Variants in STARD7 observed in about 807,000 individuals in gnomAD.
The protein encoded by STARD7 is stAR-related lipid transfer protein 7, mitochondrial.
STARD7 carries 30 observed loss-of-function variants against 45.3 expected under a neutral mutation model. The observed-to-expected ratio is 0.66, with a 90% CI of 0.50 to 0.90. The LOEUF (loss-of-function observed/expected upper bound fraction) is 0.90, where lower values mean the gene tolerates loss of function less well. Among genes scored for constraint, STARD7 ranks in the 40% least tolerant of loss-of-function variants. The pLI is 0.00. For missense variants in STARD7, 495 were observed against 491.3 expected (o/e 1.01, Z -0.07); for synonymous variants, 199 against 183.0 (o/e 1.09, Z -0.70).
intron 5 of STARD7, 144 bp from the exon 6 acceptor site, chr2:96,192,612 A>G: frequency 1.5e-6 from 1 of 660,878 alleles, no homozygotes; most frequent in Non-Finnish European, 2.7e-6. Flanking sequence ...ATGAATAAAT[A>G]CAAACTAAGT....
intron 1 of STARD7, among the ~76,000 whole-genome samples, chr2:96,207,456 A>G (rs559365725): frequency 6.6e-6 from 1 of 152,366 alleles, no homozygotes; most frequent in South Asian, 2.1e-4. Context: ...CCTGGAAACT[A>G]CAGTCTCAGA....
In STARD7 at chr2:96,192,448, A is replaced by T; in HGVS notation, c.764T>A (p.Val255Glu). 6.2e-7 allele frequency: 1 copy of T among 1,613,792 alleles called. No individual in the cohort carries two copies. Among genetic ancestry groups the T allele is most frequent in the Non-Finnish European group, 8.5e-7 (1 of 1,179,692 alleles). ...CCTGACGAATTCTGGAGACTCTGGC[A>T]CACTCGGATGCTCCACAGCACTGGT... Reference protein sequence around the residue: ...LVSRAVEHPSVPESPEFVRVR... With the variant: ...LVSRAVEHPSEPESPEFVRVR... Residue 255 changes from valine to glutamate, a missense_variant, in exon 6 of 8, where the codon GTG (valine) becomes GAG (glutamate). By Grantham distance (121) the Val-to-Glu change is moderately radical. Around this residue, in one of 2 missense-constraint regions of STARD7, gnomAD observed 213 missense variants for 271.2 expected, o/e 0.79. Transcript: ENST00000337288.
intron 7 of STARD7, 61 bp from the exon 8 acceptor site, chr2:96,186,975 G>A (rs1471290597): frequency 6.8e-6 from 10 of 1,471,888 alleles, no homozygotes; most frequent in Non-Finnish European, 9.3e-6. Context: ...CTCAAAATGA[G>A]AAGACCCTAT....
At chr2:96,199,318 T>A (rs1683271316) in intron 1 of STARD7, among the ~76,000 whole-genome samples, 1 of 152,250 alleles carries the variant, frequency 6.6e-6, no homozygotes, top group Non-Finnish European at 1.5e-5. Flanking sequence ...GAACACGGGA[T>A]GTCTTTCACT....
intron 6 of STARD7, 144 bp from the exon 7 acceptor site, chr2:96,187,445 T>C: frequency 1.7e-6 from 1 of 600,520 alleles, no homozygotes; most frequent in East Asian, 2.9e-5. Context: ...GAGTTAACAC[T>C]GAAGGCCTGA....
intron 2 of STARD7, 130 bp from the exon 3 acceptor site, chr2:96,195,137 T>C (rs1416962855): frequency 2.2e-6 from 2 of 889,216 alleles, no homozygotes; most frequent in Non-Finnish European, 3.5e-6. Context: ...CTAGAAGTCT[T>C]AGTAGAGCAA....
rs772887524 is a variant in STARD7, at chr2:96,194,964, A to G, written c.543T>C (p.Asn181=). The part of the protein sequence containing the change: ...YTDVTPRQFF[N]VQLDTEYRKK... ...GAGAGAAAAATTAACTCACCTGAAC[A>G]TTGAAGAACTGCCGAGGTGTCACAT... The change falls in exon 3 of 8, where the codon AAT becomes AAC. Residue 181 remains asparagine, a synonymous_variant. Transcript: ENST00000337288. The G allele has an allele frequency of 5.1e-5, 82 of 1,609,914 alleles. No homozygotes were observed. The South Asian group carries it at 8.7e-4, about 17-fold the overall frequency.
At chr2:96,201,598 T>A (rs1253832534) in intron 1 of STARD7, among the ~76,000 whole-genome samples, 13 of 134,892 alleles carry the variant, frequency 9.6e-5, no homozygotes, top group South Asian at 2.3e-4. Context: ...AAAAAAAAAA[T>A]TGGCCAGGTG....
Position 96,195,430 on chromosome 2 carries a change from T to C in STARD7, c.410A>G (p.Lys137Arg). Residue 137 changes from lysine to arginine, a missense_variant, in exon 2 of 8, where the codon AAA becomes AGA. Physicochemically the swap from Lys to Arg is conservative, Grantham distance 26. This residue lies in a region of STARD7 where 282 missense variants were observed against 220.1 expected (regional missense o/e 1.28). Coordinates refer to ENST00000337288, the MANE Select transcript of STARD7 (RefSeq NM_020151.4). ...QTEGNEDSEG[K>R]EQRWEMVMDK... ...CATCACCATTTCCCAACGTTGCTCT[T>C]TGCCCTCTGAATCTTCATTCCCTTC... The C allele has an allele frequency of 1.2e-6, 2 of 1,612,904 alleles. No homozygotes were observed. Among genetic ancestry groups the C allele is most frequent in the South Asian group, 1.1e-5 (1 of 90,720 alleles).
chr2:96,204,268 A>G (rs373676414), intron 1 of STARD7, among the ~76,000 whole-genome samples: 1 of 145,482 alleles, frequency 6.9e-6, no homozygotes, highest in African/African-American at 2.6e-5. Context: ...TTAAGAAAAA[A>G]AAGAGTCTGG....
chr2:96,201,409 T>TTAAAAAAAAA (rs767370060), intron 1 of STARD7, among the ~76,000 whole-genome samples: 1 of 109,622 alleles, frequency 9.1e-6, no homozygotes, highest in Admixed American at 1.0e-4. Context: ...ACTCCACCTC[T>TTAAAAAAAAA]AAAAAAAAAA....
chr2:96,208,076 C>G, intron 1 of STARD7, 69 bp downstream of exon 1: 4 of 1,417,480 alleles, frequency 2.8e-6, no homozygotes, highest in Non-Finnish European at 3.8e-6. Flanking sequence ...CCAACGACCA[C>G]AGGGCAGGCC....
Position 96,185,049 on chromosome 2 carries a change from GCA to G in STARD7, c.*1679_*1680del, listed in dbSNP as rs143776494. 3.8e-4 allele frequency: 58 copies of G among 151,536 alleles called. No homozygotes were observed. Among genetic ancestry groups the G allele is most frequent in the Middle Eastern group, 3.4e-3 (1 of 290 alleles). 9.4% of individuals were successfully genotyped at this position (151,536 alleles called of 1,614,324 possible). A position where few individuals can be genotyped will look rare whatever the true frequency, so the allele number is the denominator to read the frequency against. On this transcript the variant is annotated 3_prime_UTR_variant, in exon 8 of 8. Transcript: ENST00000337288. ...TGTGCATGTGTGTGCGCTCGCAGACGCACACACACACACACATATTCTCTCTC... is the reference window on the plus strand; with the variant it reads ...TGTGCATGTGTGTGCGCTCGCAGACGCACACACACACACATATTCTCTCTC...
chr2:96,205,549 G>A (rs1683375389), intron 1 of STARD7, among the ~76,000 whole-genome samples: 1 of 152,168 alleles, frequency 6.6e-6, no homozygotes, highest in African/African-American at 2.4e-5. Flanking sequence ...AAATGCACTT[G>A]AGACACACTC....
At chr2:96,205,987 T>C (rs1180760713) in intron 1 of STARD7, among the ~76,000 whole-genome samples, 2 of 152,200 alleles carry the variant, frequency 1.3e-5, no homozygotes, top group Non-Finnish European at 2.9e-5. Context: ...TTGAAAGTGT[T>C]CTGGAGTTCA....
intron 1 of STARD7, among the ~76,000 whole-genome samples, chr2:96,205,993 G>A (rs1281106987): frequency 6.6e-6 from 1 of 152,178 alleles, no homozygotes; most frequent in Non-Finnish European, 1.5e-5. Context: ...GTGTTCTGGA[G>A]TTCATCTGAA....
chr2:96,197,068 A>AACT (rs1683223921), intron 1 of STARD7, among the ~76,000 whole-genome samples: 7 of 96,234 alleles, frequency 7.3e-5, no homozygotes, highest in South Asian at 3.2e-4. Flanking sequence ...CTCCGTCTCA[A>AACT]AATAAAATAA....
chr2:96,208,633 C>T lies in STARD7; in HGVS notation c.-199G>A. 2 of 475,502 alleles carry T rather than the reference C, an allele frequency of 4.2e-6. No homozygotes were observed. The highest frequency in any genetic ancestry group is 4.4e-5 in the Admixed American group (1 of 22,964). 29.5% of individuals were successfully genotyped at this position (475,502 alleles called of 1,614,324 possible). On this transcript the variant is annotated 5_prime_UTR_variant, in exon 1 of 8. Transcript: ENST00000337288. ...CCTCTGAGGGGAGAGTCGGTCATGG[C>T]AGCAGACGCCGGGATGGCTCCGCGA...
At chr2:96,203,487 T>C (rs749422552) in intron 1 of STARD7, among the ~76,000 whole-genome samples, 2 of 152,174 alleles carry the variant, frequency 1.3e-5, no homozygotes, top group Non-Finnish European at 1.5e-5. Context: ...ATTTGGTTCA[T>C]CTAGGGGTCC....
Sources: allele counts gnomAD v4.1 joint callset (sites outside exome capture counted in the v4.1 genomes callset), GRCh38; gene constraint gnomAD v4.1.1; regional missense constraint gnomAD v4.1.1; transcripts MANE v1.5; gene names NCBI Gene and HGNC (gene_info 2026-07-23, HGNC 2026-07-21).